The following HPSE2 variants were observed in gnomAD, a reference collection of about 807,000 sequenced individuals.
HPSE2 encodes heparanase 2 (inactive).
A neutral mutation model predicts 60.5 loss-of-function variants in HPSE2; 38 were observed. That is an observed-to-expected ratio of 0.63 (90% CI 0.48 to 0.82). The LOEUF (loss-of-function observed/expected upper bound fraction) is 0.82. Among genes scored for constraint, HPSE2 ranks in the 40% least tolerant of loss-of-function variants. The pLI is 0.00. For synonymous variants in HPSE2, 295 were observed against 293.2 expected (o/e 1.01, Z -0.06); for missense variants, 713 against 740.4 (o/e 0.96, Z 0.43).
intron 9 of HPSE2, among the ~76,000 whole-genome samples, chr10:98,603,757 G>A (rs755539112): frequency 6.6e-6 from 1 of 152,042 alleles, no homozygotes; most frequent in Non-Finnish European, 1.5e-5. Context: ...GCCCTCAGGA[G>A]AAACTAGTTA....
chr10:98,809,675 T>C (rs1302625074), intron 3 of HPSE2, among the ~76,000 whole-genome samples: 1 of 152,110 alleles, frequency 6.6e-6, no homozygotes, highest in Non-Finnish European at 1.5e-5. Context: ...ATCTGAAAAT[T>C]TTAAAAATAA....
intron 6 of HPSE2, among the ~76,000 whole-genome samples, chr10:98,692,565 A>G (rs1355933957): frequency 6.6e-6 from 1 of 152,054 alleles, no homozygotes; most frequent in Non-Finnish European, 1.5e-5. Flanking sequence ...TCAGGAGATC[A>G]AGACCATCCT....
intron 3 of HPSE2, among the ~76,000 whole-genome samples, chr10:99,123,873 C>T (rs947733600): frequency 2.0e-5 from 3 of 151,940 alleles, no homozygotes; most frequent in South Asian, 2.1e-4. Flanking sequence ...ACAGGCAGGT[C>T]GTCCTGACAA....
chr10:98,975,261 T>C lies in HPSE2; in HGVS notation c.610+168977A>G, dbSNP rs373417642. Among the ~76,000 whole-genome samples, 3 of 150,892 alleles carry C rather than the reference T, an allele frequency of 2.0e-5. No homozygotes were observed. In the East Asian group the frequency reaches 6.0e-4, roughly 30 times the overall value. On this transcript the variant is annotated intron_variant, in intron 3 of 11. Transcript: ENST00000370552. ...TGCACTCTGTTGGATGTCTACAAAG[T>C]AGAAAAACTACTGTGAGAGTAAACT...
chr10:98,506,096 T>C (rs1333002271), intron 9 of HPSE2, among the ~76,000 whole-genome samples: 1 of 152,174 alleles, frequency 6.6e-6, no homozygotes, highest in Non-Finnish European at 1.5e-5. Flanking sequence ...AGAATTTACC[T>C]TTTTATGATA....
chr10:99,086,860 C>A (rs114458832), intron 3 of HPSE2, among the ~76,000 whole-genome samples: 1 of 152,184 alleles, frequency 6.6e-6, no homozygotes, highest in Non-Finnish European at 1.5e-5. Flanking sequence ...AAGAGCTTGA[C>A]CTCCATCCAA....
In HPSE2 at chr10:98,459,381, A is replaced by T. The variant is rs1940177934; in HGVS notation, c.*193T>A. On this transcript the variant is annotated 3_prime_UTR_variant, in exon 12 of 12. Transcript: ENST00000370552. ...GGTGATGTCTACATTTTCCTTTGGGATGGATGTGGCCTACCTAGGCTAAGA... is the reference window on the plus strand; with the variant it reads ...GGTGATGTCTACATTTTCCTTTGGGTTGGATGTGGCCTACCTAGGCTAAGA... 4.5e-6 allele frequency: 3 copies of T among 672,184 alleles called. No individual in the cohort carries two copies. The highest frequency in any genetic ancestry group is 3.9e-4 in the Middle Eastern group (1 of 2,542). 41.6% of individuals were successfully genotyped at this position (672,184 alleles called of 1,614,324 possible). A position where few individuals can be genotyped will look rare whatever the true frequency, so the allele number is the denominator to read the frequency against.
In HPSE2 at chr10:98,668,029, C is replaced by A. The variant is rs564673541; in HGVS notation, c.1004+25871G>T. Among the ~76,000 whole-genome samples the A allele has an allele frequency of 2.6e-5, 4 of 152,120 alleles. No homozygotes were observed. The South Asian group carries it at 6.2e-4, about 24-fold the overall frequency. The stretch of plus-strand genomic sequence containing the variant: ...ATGATATAATTTTATGCATAGAAAA[C>A]CCAAAAGGCTCCTGGAACTGATAAT... On this transcript the variant is annotated intron_variant, in intron 6 of 11. Coordinates refer to ENST00000370552, the MANE Select transcript of HPSE2 (RefSeq NM_021828.5).
rs925685666 is a variant in HPSE2, at chr10:98,650,325, C to A, written c.1005-8385G>T. Among the ~76,000 whole-genome samples the A allele has an allele frequency of 2.0e-5, 3 of 152,200 alleles. No individual in the cohort carries two copies. The East Asian group carries it at 5.8e-4, about 29-fold the overall frequency. On this transcript the variant is annotated intron_variant, in intron 6 of 11. Transcript: ENST00000370552. ...GACTGTCACGTTAGTGAGAAGCAAACTTCTATTGCCAGGCCACTGAAATGT... is the reference window on the plus strand; with the variant it reads ...GACTGTCACGTTAGTGAGAAGCAAAATTCTATTGCCAGGCCACTGAAATGT...
At chr10:99,208,418 C>T (rs1262137566) in intron 2 of HPSE2, among the ~76,000 whole-genome samples, 1 of 152,110 alleles carries the variant, frequency 6.6e-6, no homozygotes, top group Non-Finnish European at 1.5e-5. Context: ...GGTACAGTGG[C>T]TTATGTCTGT....
chr10:98,728,437 G>A (rs578175077), intron 4 of HPSE2, among the ~76,000 whole-genome samples: 1 of 152,160 alleles, frequency 6.6e-6, no homozygotes, highest in East Asian at 1.9e-4. Context: ...GGCCAACATG[G>A]TGAAACCCTG....
rs1245909930 is a variant in HPSE2 at position 98,929,044 on chromosome 10, G to GA, written c.611-184989dup. Among the ~76,000 whole-genome samples the GA allele has an allele frequency of 3.6e-5, 5 of 139,504 alleles. 2 individuals are homozygous for GA. The highest frequency in any genetic ancestry group is 1.5e-4 in the African/African-American group (5 of 33,836). 91.5% of individuals were successfully genotyped at this position (139,504 alleles called of 152,430 possible). ...TATTTTTTAGTCTCAAAAATAAAAG[G>GA]AAAAAAACAAACAAACAAGCTTAAG... On this transcript the variant is annotated intron_variant, in intron 3 of 11. Transcript: ENST00000370552.
chr10:99,155,460 C>T lies in HPSE2; in HGVS notation c.449-11061G>A, dbSNP rs1388200113. On this transcript the variant is annotated intron_variant, in intron 2 of 11. Coordinates refer to ENST00000370552, the MANE Select transcript of HPSE2 (RefSeq NM_021828.5). ...CAGGATTAAGAATCTCACTCAAAAC[C>T]GCTCAACTACGTGGAAACTGAACAA... Among the ~76,000 whole-genome samples, 57 of 149,096 alleles carry T rather than the reference C, an allele frequency of 3.8e-4. No individual in the cohort carries two copies. In the East Asian group the frequency reaches 7.4e-3, roughly 19 times the overall value.
intron 9 of HPSE2, among the ~76,000 whole-genome samples, chr10:98,552,535 GA>G (rs1453695395): frequency 6.6e-6 from 1 of 152,152 alleles, no homozygotes; most frequent in Non-Finnish European, 1.5e-5. Context: ...AATGATCTAA[GA>G]ATGTATGGAC....
chr10:98,462,764 C>T (rs923017941), intron 11 of HPSE2, among the ~76,000 whole-genome samples: 4 of 152,154 alleles, frequency 2.6e-5, no homozygotes, highest in African/African-American at 9.7e-5. Flanking sequence ...ACACTCTGCA[C>T]TCCTCCCAGG....
intron 2 of HPSE2, among the ~76,000 whole-genome samples, chr10:99,218,579 G>A (rs1378369865): frequency 6.6e-6 from 1 of 152,056 alleles, no homozygotes; most frequent in African/African-American, 2.4e-5. Flanking sequence ...TTATTGCCAT[G>A]AGAAAAACAA....
chr10:98,714,544 C>A (rs1325445345), intron 5 of HPSE2, among the ~76,000 whole-genome samples: 1 of 151,708 alleles, frequency 6.6e-6, no homozygotes, highest in Non-Finnish European at 1.5e-5. Flanking sequence ...TGCTTCATTT[C>A]TTTTCATTGT....
At position 98,940,087 on chromosome 10, in the gene HPSE2, A is replaced by G. The variant is rs1463693774; in HGVS notation, c.611-196031T>C. ...CTCTGGGACACATTCAAAGCAGTGT[A>G]AAGAGGGAAATTTATAGCACTAAAT... is the stretch of plus-strand genomic sequence containing the variant. On this transcript the variant is annotated intron_variant, in intron 3 of 11. Coordinates refer to ENST00000370552, the MANE Select transcript of HPSE2 (RefSeq NM_021828.5). Among the ~76,000 whole-genome samples, 22 of 143,532 alleles carry G rather than the reference A, an allele frequency of 1.5e-4. 5 individuals carry two copies. The highest frequency in any genetic ancestry group is 7.9e-4 in the East Asian group (4 of 5,086). The allele number at this position is 143,532 out of a possible 152,430, so 94.2% of individuals were successfully genotyped here.
intron 3 of HPSE2, among the ~76,000 whole-genome samples, chr10:98,780,572 GC>G (rs1278381976): frequency 2.0e-5 from 3 of 152,078 alleles, no homozygotes; most frequent in African/African-American, 7.2e-5. Flanking sequence ...AGGGAAGATG[GC>G]CGGGGGACTG....
Sources: gnomAD v4.1 joint callset for allele counts (sites outside exome capture counted in the v4.1 genomes callset) on GRCh38, gnomAD v4.1.1 for gene constraint, MANE v1.5 for transcripts, NCBI Gene and HGNC (gene_info 2026-07-23, HGNC 2026-07-21) for gene names.